SGCZ: variants seen among roughly 807,000 people sequenced by gnomAD.
SGCZ encodes the protein sarcoglycan zeta, also known as zeta-sarcoglycan.
Under a neutral mutation model 41.3 loss-of-function variants are expected in SGCZ, and 40 were observed. That is an observed-to-expected ratio of 0.97 (90% CI 0.75 to 1.26). The LOEUF is 1.26. SGCZ is among the 50% of genes most tolerant of loss of function. The probability of loss-of-function intolerance (pLI) is 0.00; values close to 1 mark genes in which losing one functional copy is unlikely to be tolerated. For missense variants in SGCZ, 552 were observed against 369.8 expected (o/e 1.49, Z -4.04); for synonymous variants, 206 against 137.5 (o/e 1.50, Z -3.49).
At chr8:14,402,497 T>C (rs1245510840) in intron 2 of SGCZ, among the ~76,000 whole-genome samples, 1 of 150,726 alleles carries the variant, frequency 6.6e-6, no homozygotes, top group Non-Finnish European at 1.5e-5. Flanking sequence ...AGTTTCAGCT[T>C]TCTACCTATG....
intron 4 of SGCZ, among the ~76,000 whole-genome samples, chr8:14,211,191 C>G (rs763859380): frequency 2.6e-5 from 4 of 152,154 alleles, no homozygotes; most frequent in Non-Finnish European, 4.4e-5. Context: ...TGGAGGGACA[C>G]TGCAGGAGTA....
chr8:15,013,959 T>C (rs904312215), intron 1 of SGCZ, among the ~76,000 whole-genome samples: 2 of 152,150 alleles, frequency 1.3e-5, no homozygotes, highest in African/African-American at 4.8e-5. Flanking sequence ...TACCTCAAGA[T>C]GGGATAAACG....
intron 1 of SGCZ, among the ~76,000 whole-genome samples, chr8:15,115,070 T>A (rs1378633874): frequency 6.6e-6 from 1 of 152,138 alleles, no homozygotes; most frequent in East Asian, 1.9e-4. Flanking sequence ...GCTTAGCACC[T>A]TGAAACAGAA....
chr8:14,426,503 A>C (rs952215232), intron 2 of SGCZ, among the ~76,000 whole-genome samples: 10 of 148,318 alleles, frequency 6.7e-5, no homozygotes, highest in Admixed American at 2.0e-4. Flanking sequence ...AGCAAGCAGA[A>C]AACACATAAA....
intron 1 of SGCZ, among the ~76,000 whole-genome samples, chr8:14,562,016 C>G (rs1029475941): frequency 6.6e-6 from 1 of 152,020 alleles, no homozygotes; most frequent in African/African-American, 2.4e-5. Flanking sequence ...TTTGGAATCA[C>G]CTAAACATGG....
chr8:14,566,758 G>A (rs1225321255), intron 1 of SGCZ, among the ~76,000 whole-genome samples: 1 of 152,210 alleles, frequency 6.6e-6, no homozygotes, highest in Non-Finnish European at 1.5e-5. Context: ...GCTGCACTGT[G>A]GGAGCCCCTT....
chr8:15,135,439 C>A (rs1359022417), intron 1 of SGCZ, among the ~76,000 whole-genome samples: 1 of 152,126 alleles, frequency 6.6e-6, no homozygotes, highest in Non-Finnish European at 1.5e-5. Context: ...TCACATTTTC[C>A]TAGCACATGA....
chr8:14,880,637 G>C (rs1165291676), intron 1 of SGCZ, among the ~76,000 whole-genome samples: 1 of 152,148 alleles, frequency 6.6e-6, no homozygotes, highest in African/African-American at 2.4e-5. Context: ...AAAACGATGA[G>C]TTCATGTCGA....
intron 2 of SGCZ, among the ~76,000 whole-genome samples, chr8:14,475,445 A>G (rs996870750): frequency 6.6e-6 from 1 of 151,262 alleles, no homozygotes; most frequent in African/African-American, 2.5e-5. Flanking sequence ...TTAAAGGATC[A>G]TATCCATGCA....
chr8:14,103,943 G>A (rs1216085842), intron 6 of SGCZ, among the ~76,000 whole-genome samples: 1 of 152,082 alleles, frequency 6.6e-6, no homozygotes, highest in Non-Finnish European at 1.5e-5. Context: ...GATTTTCCCT[G>A]ATACACAACC....
intron 2 of SGCZ, among the ~76,000 whole-genome samples, chr8:14,470,621 G>A (rs1049332644): frequency 2.6e-5 from 4 of 152,048 alleles, no homozygotes; most frequent in African/African-American, 9.7e-5. Flanking sequence ...TTCTGTCCAA[G>A]TTTATTTCTG....
At chr8:14,320,559 A>G (rs1294152141) in intron 3 of SGCZ, among the ~76,000 whole-genome samples, 1 of 152,034 alleles carries the variant, frequency 6.6e-6, no homozygotes, top group East Asian at 1.9e-4. Flanking sequence ...TCTATAAAGA[A>G]TAATTGAACA....
chr8:14,500,226 T>C (rs990790361), intron 2 of SGCZ, among the ~76,000 whole-genome samples: 1 of 152,100 alleles, frequency 6.6e-6, no homozygotes, highest in Non-Finnish European at 1.5e-5. Context: ...TGGTGGGAAA[T>C]TCTAAAATCA....
At chr8:14,886,064 G>C (rs906790975) in intron 1 of SGCZ, among the ~76,000 whole-genome samples, 2 of 120,360 alleles carry the variant, frequency 1.7e-5, no homozygotes, top group Non-Finnish European at 3.3e-5. Flanking sequence ...TTTCACTTAA[G>C]GTAATAGCAC....
intron 1 of SGCZ, among the ~76,000 whole-genome samples, chr8:15,019,523 C>T (rs919262384): frequency 2.0e-5 from 3 of 152,080 alleles, no homozygotes; most frequent in Admixed American, 6.6e-5. Flanking sequence ...ATTGATAAAT[C>T]TAGGCAAAGA....
chr8:14,383,018 C>T (rs750336429), intron 2 of SGCZ, among the ~76,000 whole-genome samples: 5 of 152,280 alleles, frequency 3.3e-5, no homozygotes, highest in African/African-American at 4.8e-5. Flanking sequence ...CCACTTCACA[C>T]GCCTAGATAC....
chr8:15,032,064 AAAC>A (rs1803692300), intron 1 of SGCZ, among the ~76,000 whole-genome samples: 1 of 152,132 alleles, frequency 6.6e-6, no homozygotes. Flanking sequence ...GATTTTGCAC[AAAC>A]AACTTCTCTG....
chr8:14,800,108 T>G (rs1000326665), intron 1 of SGCZ, among the ~76,000 whole-genome samples: 3 of 151,778 alleles, frequency 2.0e-5, no homozygotes, highest in African/African-American at 7.3e-5. Context: ...ATCTCACCAT[T>G]GAACCAGCAT....
chr8:14,427,214 G>A (rs1028258390), intron 2 of SGCZ, among the ~76,000 whole-genome samples: 2 of 152,008 alleles, frequency 1.3e-5, no homozygotes, highest in African/African-American at 4.8e-5. Context: ...AAGAGGTTCA[G>A]GAAAAATAAC....
Sources: allele counts gnomAD v4.1 joint callset (sites outside exome capture counted in the v4.1 genomes callset), GRCh38; gene constraint gnomAD v4.1.1; transcripts MANE v1.5; gene names NCBI Gene and HGNC (gene_info 2026-07-23, HGNC 2026-07-21).